ASB1: variants seen among roughly 807,000 people sequenced by gnomAD.
ASB1 encodes the protein ankyrin repeat and SOCS box protein 1.
A neutral mutation model predicts 27.7 loss-of-function variants in ASB1; 18 were observed. The observed-to-expected ratio is 0.65, with a 90% CI of 0.45 to 0.96. The LOEUF (loss-of-function observed/expected upper bound fraction) is 0.96. Ranked by LOEUF, ASB1 falls within the 50% of genes least tolerant of loss-of-function variation. ASB1 has a pLI of 0.00. For missense variants in ASB1, 397 were observed against 451.7 expected (o/e 0.88, Z 1.10); for synonymous variants, 189 against 187.6 (o/e 1.01, Z -0.06).
Position 238,426,986 on chromosome 2 carries a change from G to T in ASB1, c.-85G>T. On this transcript the variant is annotated 5_prime_UTR_variant, in exon 1 of 5. Transcript: ENST00000264607. ...CCCCGACGCGCCCCCCATTGCCCTC[G>T]GCGCCGGAAGTGGTCGCGGGTCGTT... 8.9e-7 allele frequency: 1 copy of T among 1,128,580 alleles called. No individual in the cohort carries two copies. 69.9% of individuals were successfully genotyped at this position (1,128,580 alleles called of 1,614,324 possible). A position where few individuals can be genotyped will look rare whatever the true frequency, so the allele number is the denominator to read the frequency against.
Position 238,427,747 on chromosome 2 carries a change from G to A in ASB1, c.49+628G>A, listed in dbSNP as rs549077341. On this transcript the variant is annotated intron_variant, in intron 1 of 4. Coordinates refer to ENST00000264607, the MANE Select transcript of ASB1 (RefSeq NM_001040445.3). ...CTCCACCTTGCAGTGTCCCTACCAT[G>A]CAGATGTGAAGGAAGCGGTCAGGAC... The A allele has an allele frequency of 2.0e-5, 3 of 152,398 alleles. No homozygotes were observed. In the South Asian group the frequency reaches 6.2e-4, roughly 32 times the overall value. 9.4% of individuals were successfully genotyped at this position (152,398 alleles called of 1,614,324 possible).
At position 238,427,061 on chromosome 2, in the gene ASB1, G is replaced by A. The variant is rs1701768746; in HGVS notation, c.-10G>A. 7.9e-7 allele frequency: 1 copy of A among 1,262,404 alleles called. No individual in the cohort carries two copies. The highest frequency in any genetic ancestry group is 1.0e-6 in the Non-Finnish European group (1 of 1,004,904). 78.2% of individuals were successfully genotyped at this position (1,262,404 alleles called of 1,614,324 possible). A position where few individuals can be genotyped will look rare whatever the true frequency, so the allele number is the denominator to read the frequency against. On this transcript the variant is annotated 5_prime_UTR_variant, in exon 1 of 5. Transcript: ENST00000264607. Reference sequence around the variant, plus strand: ...GCGGGTCAGGGGCGGCCGCGGAGGCGGAAGCATCCATGGCGGAGGGCGGCA... The same window carrying A: ...GCGGGTCAGGGGCGGCCGCGGAGGCAGAAGCATCCATGGCGGAGGGCGGCA...
At position 238,452,140 on chromosome 2, in the gene ASB1, C is replaced by G. The variant is rs898086473; in HGVS notation, c.*5629C>G. The G allele has an allele frequency of 1.3e-5, 2 of 152,128 alleles. No individual in the cohort carries two copies. The highest frequency in any genetic ancestry group is 4.8e-5 in the African/African-American group (2 of 41,402). 9.4% of individuals were successfully genotyped at this position (152,128 alleles called of 1,614,324 possible). ...TGTGGGCAAGCCTGTTGTTTTTGGC[C>G]CCCTGTTGTTACATGGGACCTGTTT... On this transcript the variant is annotated 3_prime_UTR_variant, in exon 5 of 5. Coordinates refer to ENST00000264607, the MANE Select transcript of ASB1 (RefSeq NM_001040445.3).
chr2:238,428,321 G>A (rs1701801470), intron 1 of ASB1, among the ~76,000 whole-genome samples: 1 of 152,112 alleles, frequency 6.6e-6, no homozygotes. Flanking sequence ...ACGGAGTTTC[G>A]CTCTTGTTGC....
Position 238,435,691 on chromosome 2 carries a change from C to G in ASB1, c.192-20C>G. 1 of 1,601,438 alleles carries G rather than the reference C, an allele frequency of 6.2e-7. No homozygotes were observed. The highest frequency in any genetic ancestry group is 1.3e-5 in the African/African-American group (1 of 74,948). ...GTCCTGCGGCTGCCTCTCATGAGCC[C>G]CCTTGTGTTCCTCCTGCAGCCGCAT... On this transcript the variant is annotated intron_variant, in intron 2 of 4. Transcript: ENST00000264607.
rs1474446381 is a variant in ASB1, at chr2:238,446,814, T to C, written c.*303T>C. On this transcript the variant is annotated 3_prime_UTR_variant, in exon 5 of 5. Coordinates refer to ENST00000264607, the MANE Select transcript of ASB1 (RefSeq NM_001040445.3). ...CATGTAGGGGCTGAGGTTGGAGGCCTACTAATTTCCCTGTAGGGAAGACTC... is the reference window on the plus strand; with the variant it reads ...CATGTAGGGGCTGAGGTTGGAGGCCCACTAATTTCCCTGTAGGGAAGACTC... 1.4e-5 allele frequency: 4 copies of C among 295,668 alleles called. No individual in the cohort carries two copies. The highest frequency in any genetic ancestry group is 2.5e-5 in the Non-Finnish European group (4 of 157,972). 18.3% of individuals were successfully genotyped at this position (295,668 alleles called of 1,614,324 possible).
chr2:238,433,970 T>G (rs1168639583), intron 2 of ASB1, among the ~76,000 whole-genome samples: 1 of 152,206 alleles, frequency 6.6e-6, no homozygotes, highest in African/African-American at 2.4e-5. Flanking sequence ...CTCAGCCTCC[T>G]GATGTCACTC....
rs555650599 is a variant in ASB1, at chr2:238,446,582, G to A, written c.*71G>A. 2 of 1,575,630 alleles carry A rather than the reference G, an allele frequency of 1.3e-6. No homozygotes were observed. Among genetic ancestry groups the A allele is most frequent in the East Asian group, 2.2e-5 (1 of 44,698 alleles). On this transcript the variant is annotated 3_prime_UTR_variant, in exon 5 of 5. Coordinates refer to ENST00000264607, the MANE Select transcript of ASB1 (RefSeq NM_001040445.3). Reference sequence around the variant, plus strand: ...CAGGGAGGTGGACACCGAGCCCTGAGTGCTGTGCTGCTGCTGGTCTCCTGA... The same window carrying A: ...CAGGGAGGTGGACACCGAGCCCTGAATGCTGTGCTGCTGCTGGTCTCCTGA...
At position 238,450,990 on chromosome 2, in the gene ASB1, T is replaced by G. The variant is rs928165197; in HGVS notation, c.*4479T>G. The stretch of plus-strand genomic sequence containing the variant: ...CTTTCTCACTTATGCCTCACTCCCC[T>G]CCTCCCGCTCCAAACCCGAACCTCT... On this transcript the variant is annotated 3_prime_UTR_variant, in exon 5 of 5. Transcript: ENST00000264607. 1 of 133,414 alleles carries G rather than the reference T, an allele frequency of 7.5e-6. No homozygotes were observed. Among genetic ancestry groups the G allele is most frequent in the African/African-American group, 2.5e-5 (1 of 39,872 alleles). 8.3% of individuals were successfully genotyped at this position (133,414 alleles called of 1,614,324 possible). A position where few individuals can be genotyped will look rare whatever the true frequency, so the allele number is the denominator to read the frequency against.
chr2:238,451,117 G>C lies in ASB1; in HGVS notation c.*4606G>C, dbSNP rs534946735. On this transcript the variant is annotated 3_prime_UTR_variant, in exon 5 of 5. Transcript: ENST00000264607. ...AATGAAACAGTTTAGATGTGTACAT[G>C]ATGCACGTGGGTGGGATTCACATCC... The C allele has an allele frequency of 3.5e-5, 5 of 143,408 alleles. 1 individual carries two copies. Among genetic ancestry groups the C allele is most frequent in the African/African-American group, 1.2e-4 (5 of 40,894 alleles). The allele number at this position is 143,408 out of a possible 1,614,324, so 8.9% of individuals were successfully genotyped here.
intron 2 of ASB1, among the ~76,000 whole-genome samples, chr2:238,434,346 G>A (rs1701927367): frequency 6.6e-6 from 1 of 152,210 alleles, no homozygotes; most frequent in Admixed American, 6.5e-5. Flanking sequence ...TCTCTGGACT[G>A]TTCTCTGATT....
chr2:238,431,406 G>A (rs1701869436), intron 1 of ASB1, among the ~76,000 whole-genome samples: 1 of 152,246 alleles, frequency 6.6e-6, no homozygotes, highest in Admixed American at 6.5e-5. Context: ...GAATGTTGTG[G>A]CTGGTTTGAT....
At chr2:238,443,358 TG>T (rs1479987205) in intron 3 of ASB1, among the ~76,000 whole-genome samples, 1 of 152,284 alleles carries the variant, frequency 6.6e-6, no homozygotes, top group African/African-American at 2.4e-5. Context: ...TGAAGCCTAT[TG>T]GTTTGACAAC....
Position 238,446,496 on chromosome 2 carries a change from T to C in ASB1, c.993T>C (p.Phe331=). 1.2e-6 allele frequency: 2 copies of C among 1,614,098 alleles called. No individual in the cohort carries two copies. The highest frequency in any genetic ancestry group is 8.5e-7 in the Non-Finnish European group (1 of 1,180,020). Residue 331 remains phenylalanine (F), a synonymous_variant, in exon 5 of 5, where the codon TTT becomes TTC. Transcript: ENST00000264607. ...SLPLPDPIKK[F]LLHE ...CTCTGCCAGACCCCATAAAGAAGTT[T>C]CTACTCCATGAGTAGACTCCAAGTG...
intron 1 of ASB1, chr2:238,427,839 G>T (rs1300088060): frequency 7.2e-5 from 11 of 152,428 alleles, no homozygotes; most frequent in African/African-American, 2.6e-4. Context: ...TGCCATTCGC[G>T]CCAATAGTTT....
chr2:238,432,239 TA>T (rs1188068988), intron 1 of ASB1, among the ~76,000 whole-genome samples: 2 of 152,218 alleles, frequency 1.3e-5, no homozygotes, highest in Non-Finnish European at 2.9e-5. Context: ...CCTTATATTT[TA>T]AAATAAACTT....
intron 1 of ASB1, among the ~76,000 whole-genome samples, chr2:238,432,353 G>GT (rs1373940069): frequency 6.6e-6 from 1 of 152,164 alleles, no homozygotes; most frequent in Non-Finnish European, 1.5e-5. Context: ...AGTACTTGGT[G>GT]TTTTTTCTGC....
chr2:238,428,243 G>A lies in ASB1; in HGVS notation c.49+1124G>A, dbSNP rs1701799489. Reference sequence around the variant, plus strand: ...AAAGAGGACCAACAGCTACTTCCCAGTATAAAGAGAGTTCCTGGGGAATAA... The same window carrying A: ...AAAGAGGACCAACAGCTACTTCCCAATATAAAGAGAGTTCCTGGGGAATAA... On this transcript the variant is annotated intron_variant, in intron 1 of 4. Transcript: ENST00000264607. Among the ~76,000 whole-genome samples, 4 of 152,330 alleles carry A rather than the reference G, an allele frequency of 2.6e-5. No individual in the cohort carries two copies. The South Asian group carries it at 8.3e-4, about 32-fold the overall frequency.
intron 4 of ASB1, among the ~76,000 whole-genome samples, chr2:238,444,942 T>A (rs1046624499): frequency 6.6e-6 from 1 of 151,666 alleles, no homozygotes; most frequent in East Asian, 1.9e-4. Context: ...AAAGTACATG[T>A]GTGTTGTCAG....
Sources: allele counts gnomAD v4.1 joint callset (sites outside exome capture counted in the v4.1 genomes callset), GRCh38; gene constraint gnomAD v4.1.1; transcripts MANE v1.5; gene names NCBI Gene and HGNC (gene_info 2026-07-23, HGNC 2026-07-21).